ROCK1: variants seen among roughly 807,000 people sequenced by gnomAD.
ROCK1 encodes the protein Rho associated coiled-coil containing protein kinase 1, also known as rho-associated protein kinase 1.
In ROCK1, 36 loss-of-function variants were observed where a neutral mutation model predicts 196.8. The ratio of observed to expected loss-of-function variants is 0.18; its 90% CI spans 0.14 to 0.24. The LOEUF is 0.24. Among genes scored for constraint, ROCK1 ranks in the 10% least tolerant of loss-of-function variants. ROCK1 has a pLI of 1.00. For synonymous variants in ROCK1, 443 were observed against 515.9 expected, an observed-to-expected ratio of 0.86 and a Z score of 1.91; for missense variants, 920 against 1,562.0, an observed-to-expected ratio of 0.59 and a Z score of 6.93.
chr18:21,012,062 C>T (rs2035823545), intron 13 of ROCK1, among the ~76,000 whole-genome samples: 1 of 152,186 alleles, frequency 6.6e-6, no homozygotes, highest in African/African-American at 2.4e-5. Context: ...TAGCCTCAGC[C>T]TCAGCCTCCT....
intron 1 of ROCK1, among the ~76,000 whole-genome samples, chr18:21,101,896 A>G (rs1244996661): frequency 6.6e-6 from 1 of 151,472 alleles, no homozygotes; most frequent in African/African-American, 2.4e-5. Flanking sequence ...AAAGATGCTT[A>G]TTGAAGTATG....
At chr18:20,980,227 C>T (rs2035518173) in intron 21 of ROCK1, among the ~76,000 whole-genome samples, 1 of 150,990 alleles carries the variant, frequency 6.6e-6, no homozygotes, top group Admixed American at 6.6e-5. Flanking sequence ...AGACATCCAT[C>T]AATACATGGG....
chr18:20,973,650 T>C (rs1471224817), intron 22 of ROCK1, among the ~76,000 whole-genome samples: 1 of 152,218 alleles, frequency 6.6e-6, no homozygotes, highest in Non-Finnish European at 1.5e-5. Flanking sequence ...TAGCTCATGA[T>C]GTCCATTTAC....
rs1166774310 is a variant in ROCK1 at position 20,997,432 on chromosome 18, C to A, written c.1886-4495G>T. On this transcript the variant is annotated intron_variant, in intron 16 of 32. Transcript: ENST00000399799. ...TAATGTAATGATAAAGGGGTCAATT[C>A]AGCAAGAGAATATAACAATTGTAAA... Among the ~76,000 whole-genome samples the A allele has an allele frequency of 2.0e-5, 3 of 152,144 alleles. No homozygotes were observed. In the East Asian group the frequency reaches 5.8e-4, roughly 29 times the overall value.
At chr18:21,033,583 A>G (rs2036028957) in intron 9 of ROCK1, among the ~76,000 whole-genome samples, 1 of 152,074 alleles carries the variant, frequency 6.6e-6, no homozygotes, top group African/African-American at 2.4e-5. Context: ...AGAAAACCCT[A>G]AAGGAGCTAC....
At position 21,044,133 on chromosome 18, in the gene ROCK1, G is replaced by C. The variant is rs1328178023; in HGVS notation, c.644C>G (p.Ala215Gly). ...CATCTTCATACAAGTACCAAAATCTGCTAACTTCAAATGTCCAGATTTATC... is the reference window on the plus strand; with the variant it reads ...CATCTTCATACAAGTACCAAAATCTCCTAACTTCAAATGTCCAGATTTATC... ...LLDKSGHLKL[A>G]DFGTCMKMNK... Residue 215 changes from alanine (A) to glycine (G), a missense_variant, in exon 6 of 33, where the codon GCA becomes GGA. Around this residue, in one of 6 missense-constraint regions of ROCK1, gnomAD observed 234 missense variants for 460.7 expected, o/e 0.51. Coordinates refer to ENST00000399799, the MANE Select transcript of ROCK1 (RefSeq NM_005406.3). The C allele has an allele frequency of 6.2e-7, 1 of 1,610,198 alleles. No individual in the cohort carries two copies. Among genetic ancestry groups the C allele is most frequent in the African/African-American group, 1.3e-5 (1 of 74,860 alleles).
chr18:21,099,756 C>T (rs2036642667), intron 1 of ROCK1, among the ~76,000 whole-genome samples: 2 of 150,794 alleles, frequency 1.3e-5, no homozygotes, highest in African/African-American at 4.9e-5. Context: ...AAAAACAGGC[C>T]GGGCGCAGTG....
At chr18:21,080,266 C>T (rs1053683840) in intron 1 of ROCK1, among the ~76,000 whole-genome samples, 5 of 152,008 alleles carry the variant, frequency 3.3e-5, no homozygotes, top group East Asian at 3.9e-4. Flanking sequence ...CAGAAAAACA[C>T]GGCTGGGAGG....
intron 13 of ROCK1, among the ~76,000 whole-genome samples, chr18:21,011,099 G>T (rs983788945): frequency 1.3e-5 from 2 of 151,796 alleles, no homozygotes; most frequent in East Asian, 3.9e-4. Flanking sequence ...ATATAAATGG[G>T]GGATTTAAAA....
chr18:21,010,734 C>A (rs909795749), intron 13 of ROCK1, among the ~76,000 whole-genome samples: 18 of 152,298 alleles, frequency 1.2e-4, no homozygotes, highest in African/African-American at 4.3e-4. Context: ...TGACAGCTGA[C>A]AGTGTAGTTG....
intron 26 of ROCK1, among the ~76,000 whole-genome samples, chr18:20,967,485 G>C (rs1394988031): frequency 6.6e-6 from 1 of 151,954 alleles, no homozygotes; most frequent in Non-Finnish European, 1.5e-5. Context: ...ACAAGCCAAG[G>C]GGTATCAAAA....
At chr18:20,991,388 C>CG in intron 17 of ROCK1, 62 bp from the exon 18 acceptor site, 1 of 1,114,984 alleles carries the variant, frequency 9.0e-7, no homozygotes, top group East Asian at 2.6e-5. Context: ...GTTAGTAAAT[C>CG]TTACATTTAA....
At chr18:21,023,782 T>C in intron 10 of ROCK1, 102 bp from the exon 11 acceptor site, 1 of 519,570 alleles carries the variant, frequency 1.9e-6, no homozygotes, top group Non-Finnish European at 3.4e-6. Flanking sequence ...TGTTCAGTTA[T>C]AGTAACTTTG....
chr18:21,004,525 T>C (rs1426384744), intron 16 of ROCK1, among the ~76,000 whole-genome samples: 1 of 152,228 alleles, frequency 6.6e-6, no homozygotes, highest in African/African-American at 2.4e-5. Context: ...CAATAAATCA[T>C]GCTATAAATT....
At chr18:21,073,447 A>G (rs1226570814) in intron 1 of ROCK1, among the ~76,000 whole-genome samples, 3 of 152,200 alleles carry the variant, frequency 2.0e-5, no homozygotes, top group African/African-American at 7.2e-5. Flanking sequence ...AAAATTATTC[A>G]ACACTACTAC....
intron 1 of ROCK1, among the ~76,000 whole-genome samples, chr18:21,076,017 G>C (rs905597007): frequency 6.6e-6 from 1 of 151,046 alleles, no homozygotes; most frequent in Non-Finnish European, 1.5e-5. Context: ...GGAGGACACA[G>C]AGAAGAAAGA....
At chr18:21,104,394 G>A (rs1399338389) in intron 1 of ROCK1, among the ~76,000 whole-genome samples, 7 of 151,996 alleles carry the variant, frequency 4.6e-5, no homozygotes, top group Non-Finnish European at 1.0e-4. Context: ...CCAGGAGATC[G>A]AGACCATCCT....
At chr18:20,970,260 T>C (rs1286710834) in intron 23 of ROCK1, 88 bp downstream of exon 23, 2 of 980,864 alleles carry the variant, frequency 2.0e-6, no homozygotes, top group African/African-American at 1.6e-5. Context: ...GTAAATACAC[T>C]TGCACACACA....
At chr18:21,076,714 AT>A (rs2036435350) in intron 1 of ROCK1, among the ~76,000 whole-genome samples, 1 of 150,998 alleles carries the variant, frequency 6.6e-6, no homozygotes, top group East Asian at 2.0e-4. Flanking sequence ...CAGAGCCATA[AT>A]TTATTTTAAG....
Sources: allele counts gnomAD v4.1 joint callset (sites outside exome capture counted in the v4.1 genomes callset), GRCh38; gene constraint gnomAD v4.1.1; regional missense constraint gnomAD v4.1.1; transcripts MANE v1.5; gene names NCBI Gene and HGNC (gene_info 2026-07-23, HGNC 2026-07-21).